ATP9A: variants seen among roughly 807,000 people sequenced by gnomAD.
The protein encoded by ATP9A is ATPase phospholipid transporting 9A, also known as probable phospholipid-transporting ATPase IIA.
ATP9A carries 52 observed loss-of-function variants against 144.1 expected under a neutral mutation model. The observed-to-expected ratio is 0.36, with a 90% CI of 0.29 to 0.45. The LOEUF (loss-of-function observed/expected upper bound fraction) is 0.45, where lower values mean the gene tolerates loss of function less well. Ranked by LOEUF, ATP9A falls within the 20% of genes least tolerant of loss-of-function variation. The pLI is 1.00. For missense variants in ATP9A, 947 were observed against 1,392.7 expected, an observed-to-expected ratio of 0.68 and a Z score of 5.09; for synonymous variants, 582 against 557.4, an observed-to-expected ratio of 1.04 and a Z score of -0.62.
chr20:51,696,048 C>CT, intron 6 of ATP9A, 45 bp downstream of exon 6: 1 of 1,548,982 alleles, frequency 6.5e-7, no homozygotes, highest in Non-Finnish European at 8.9e-7. Flanking sequence ...CAAATTACCA[C>CT]TGAAAGGTTA....
chr20:51,687,318 G>GA (rs1450505427), intron 9 of ATP9A, among the ~76,000 whole-genome samples: 3 of 152,122 alleles, frequency 2.0e-5, no homozygotes, highest in Non-Finnish European at 2.9e-5. Context: ...AAATGTAGCA[G>GA]AAAAAACCTC....
chr20:51,744,749 G>C lies in ATP9A; in HGVS notation c.69-14771C>G, dbSNP rs912705241. Among the ~76,000 whole-genome samples the C allele has an allele frequency of 1.1e-4, 16 of 152,318 alleles. 2 individuals are homozygous for C. The highest frequency in any genetic ancestry group is 2.0e-4 in the Admixed American group (3 of 15,294). On this transcript the variant is annotated intron_variant, in intron 1 of 27. Transcript: ENST00000338821. ...CAAATATTTGCTGAATTGTCTGCATGACACACCAACCTTCCAGGAAGTTAC... is the reference window on the plus strand; with the variant it reads ...CAAATATTTGCTGAATTGTCTGCATCACACACCAACCTTCCAGGAAGTTAC...
chr20:51,722,735 A>T (rs1437310921), intron 3 of ATP9A, among the ~76,000 whole-genome samples: 1 of 152,202 alleles, frequency 6.6e-6, no homozygotes, highest in African/African-American at 2.4e-5. Context: ...ACACTTCTAC[A>T]CTGCTGGTGG....
rs1317414103 is a variant in ATP9A, at chr20:51,748,932, T to C, written c.69-18954A>G. ...TTAGATAGATAGATAGATAGATAGA[T>C]AGATAGATAGATAGATAGACAGACA... On this transcript the variant is annotated intron_variant, in intron 1 of 27. Transcript: ENST00000338821. Among the ~76,000 whole-genome samples the C allele has an allele frequency of 2.9e-4, 40 of 137,452 alleles. 1 individual carries two copies. Among genetic ancestry groups the C allele is most frequent in the African/African-American group, 1.0e-3 (33 of 33,128 alleles). The allele number at this position is 137,452 out of a possible 152,430, so 90.2% of individuals were successfully genotyped here.
chr20:51,688,173 T>G lies in ATP9A; in HGVS notation c.799+891A>C, dbSNP rs538277381. 4.6e-5 allele frequency among the ~76,000 whole-genome samples: 7 copies of G among 152,352 alleles called. No homozygotes were observed. In the East Asian group the frequency reaches 1.3e-3, roughly 29 times the overall value. ...GTGCCGTTAGGAGGGTTAAGTGCAG[T>G]GTGTAACACACATAAGCACCCAGCA... On this transcript the variant is annotated intron_variant, in intron 9 of 27. Coordinates refer to ENST00000338821, the MANE Select transcript of ATP9A (RefSeq NM_006045.3).
At chr20:51,626,494 T>TA (rs11483918) in intron 17 of ATP9A, among the ~76,000 whole-genome samples, 68,204 of 133,838 alleles carry the variant, frequency 0.51, 16,300 homozygotes, top group East Asian at 0.69. Context: ...CTGTCACAAA[T>TA]AAAAAAAAAA....
At chr20:51,701,184 G>A (rs1035824001) in intron 4 of ATP9A, among the ~76,000 whole-genome samples, 7 of 152,098 alleles carry the variant, frequency 4.6e-5, no homozygotes, top group African/African-American at 1.7e-4. Flanking sequence ...CTAGTTACAG[G>A]TTCCCTCTTA....
intron 15 of ATP9A, among the ~76,000 whole-genome samples, chr20:51,636,802 C>G (rs34096265): frequency 0.035 from 5,291 of 152,312 alleles, 114 homozygotes; most frequent in Non-Finnish European, 0.053. Context: ...CTTAGAACAG[C>G]CTCTGGCACA....
intron 6 of ATP9A, 22 bp downstream of exon 6, chr20:51,696,071 C>G (rs1241288255): frequency 6.2e-7 from 1 of 1,603,874 alleles, no homozygotes; most frequent in African/African-American, 1.3e-5. Context: ...GGTTATTTTC[C>G]AAATTGATCT....
At chr20:51,697,834 GA>G (rs1307203982) in intron 4 of ATP9A, among the ~76,000 whole-genome samples, 2 of 152,164 alleles carry the variant, frequency 1.3e-5, no homozygotes, top group Admixed American at 6.5e-5. Context: ...AGTACCGGGG[GA>G]AAAAAGTCTT....
chr20:51,743,205 C>T (rs183547935), intron 1 of ATP9A, among the ~76,000 whole-genome samples: 14 of 152,282 alleles, frequency 9.2e-5, no homozygotes, highest in Admixed American at 6.5e-5. Context: ...CTTCAGCTCC[C>T]TGGTGCCCCA....
At chr20:51,747,644 C>T (rs939478434) in intron 1 of ATP9A, among the ~76,000 whole-genome samples, 1 of 152,224 alleles carries the variant, frequency 6.6e-6, no homozygotes, top group Non-Finnish European at 1.5e-5. Context: ...ACAGGTGCTT[C>T]CAGCAGATGG....
Position 51,608,553 on chromosome 20 carries a change from T to C in ATP9A, c.2710A>G (p.Met904Val). 2 of 1,612,752 alleles carry C rather than the reference T, an allele frequency of 1.2e-6. No individual in the cohort carries two copies. Among genetic ancestry groups the C allele is most frequent in the Non-Finnish European group, 8.5e-7 (1 of 1,178,722 alleles). ...LDKDVKSEVA[M>V]LYPELYKDLL... Reference sequence around the variant, plus strand: ...TCCTTGTAGAGCTCAGGATACAGCATGGCAACTTCCGATTTGACATCTTTG... The same window carrying C: ...TCCTTGTAGAGCTCAGGATACAGCACGGCAACTTCCGATTTGACATCTTTG... Residue 904 changes from methionine to valine, a missense_variant, in exon 25 of 28, where the codon ATG becomes GTG. By Grantham distance (21) the Met-to-Val change is conservative. Coordinates refer to ENST00000338821, the MANE Select transcript of ATP9A (RefSeq NM_006045.3).
Position 51,639,374 on chromosome 20 carries a change from T to C in ATP9A, c.1637A>G (p.Tyr546Cys), listed in dbSNP as rs750901590. 1 of 1,613,834 alleles carries C rather than the reference T, an allele frequency of 6.2e-7. No individual in the cohort carries two copies. ...FTILQIFPFT[Y>C]ESKRMGIIVR... Reference sequence around the variant, plus strand: ...GATGATGCCCATACGTTTGCTTTCATAGGTGAAAGGGAAGATCTGTAGGAT... The same window carrying C: ...GATGATGCCCATACGTTTGCTTTCACAGGTGAAAGGGAAGATCTGTAGGAT... The change falls in exon 15 of 28, where the codon TAT becomes TGT. Residue 546 changes from tyrosine (Y) to cysteine (C), a missense_variant. By Grantham distance (194) the Tyr-to-Cys change is radical. Coordinates refer to ENST00000338821, the MANE Select transcript of ATP9A (RefSeq NM_006045.3).
chr20:51,662,534 G>T (rs1418073896), intron 13 of ATP9A, among the ~76,000 whole-genome samples: 2 of 140,180 alleles, frequency 1.4e-5, no homozygotes, highest in Admixed American at 7.5e-5. Flanking sequence ...AACAGAGCAA[G>T]ACTCTGTCTC....
intron 1 of ATP9A, among the ~76,000 whole-genome samples, chr20:51,739,146 C>T (rs1171489575): frequency 1.3e-5 from 2 of 152,076 alleles, no homozygotes; most frequent in Non-Finnish European, 2.9e-5. Context: ...GGAAGGTTGC[C>T]TCCCCCTTTC....
intron 14 of ATP9A, among the ~76,000 whole-genome samples, chr20:51,642,925 G>A (rs932482975): frequency 6.6e-6 from 1 of 151,836 alleles, no homozygotes; most frequent in African/African-American, 2.4e-5. Flanking sequence ...GATCAAGCTG[G>A]AGCTCAAAAC....
At chr20:51,601,683 A>C (rs2077143810) in intron 27 of ATP9A, among the ~76,000 whole-genome samples, 2 of 152,236 alleles carry the variant, frequency 1.3e-5, no homozygotes, top group African/African-American at 4.8e-5. Context: ...AGGCGGGCAG[A>C]AGAATTGAAC....
chr20:51,688,995 T>C, intron 9 of ATP9A, 69 bp downstream of exon 9: 2 of 1,516,072 alleles, frequency 1.3e-6, no homozygotes, highest in Non-Finnish European at 1.8e-6. Context: ...GACAGATGAT[T>C]ATTCTAATTA....
Sources: gnomAD v4.1 joint callset for allele counts (sites outside exome capture counted in the v4.1 genomes callset) on GRCh38, gnomAD v4.1.1 for gene constraint, MANE v1.5 for transcripts, NCBI Gene and HGNC (gene_info 2026-07-23, HGNC 2026-07-21) for gene names.